The following KANK1 variants were observed in gnomAD, a reference collection of about 807,000 sequenced individuals.
KANK1 encodes KN motif and ankyrin repeat domain-containing protein 1.
A neutral mutation model predicts 106.2 loss-of-function variants in KANK1; 109 were observed. The ratio of observed to expected loss-of-function variants is 1.03; its 90% CI spans 0.88 to 1.20. The LOEUF is 1.20. KANK1 is among the 50% of genes most tolerant of loss of function. The probability of loss-of-function intolerance (pLI) is 0.00; values close to 1 mark genes in which losing one functional copy is unlikely to be tolerated. For synonymous variants in KANK1, 873 were observed against 652.2 expected, an observed-to-expected ratio of 1.34 and a Z score of -5.16; for missense variants, 2,399 against 1,710.7, an observed-to-expected ratio of 1.40 and a Z score of -7.10.
intron 2 of KANK1, among the ~76,000 whole-genome samples, chr9:679,971 A>G (rs1213217226): frequency 6.6e-6 from 1 of 152,194 alleles, no homozygotes; most frequent in African/African-American, 2.4e-5. Context: ...ACTTCTGTGC[A>G]TGTAAATAAC....
intron 3 of KANK1, among the ~76,000 whole-genome samples, chr9:721,863 A>C (rs567713528): frequency 4.0e-4 from 61 of 152,258 alleles, no homozygotes; most frequent in Non-Finnish European, 8.1e-4. Flanking sequence ...CAACTTGAAG[A>C]CGGTTTCACT....
chr9:742,500 C>T, intron 10 of KANK1, 95 bp downstream of exon 10: 3 of 848,428 alleles, frequency 3.5e-6, no homozygotes, highest in Non-Finnish European at 1.8e-6. Context: ...ACCAAATCCT[C>T]CTCTATTCTC....
At position 711,812 on chromosome 9, in the gene KANK1, A is replaced by G. The variant is rs150811016; in HGVS notation, c.1046A>G (p.Tyr349Cys). 2.6e-5 allele frequency: 42 copies of G among 1,613,990 alleles called. No homozygotes were observed. The highest frequency in any genetic ancestry group is 5.3e-5 in the African/African-American group (4 of 74,902). Residue 349 changes from tyrosine to cysteine, a missense_variant, in exon 3 of 12, where the codon TAT becomes TGT. Coordinates refer to ENST00000382297, the MANE Select transcript of KANK1 (RefSeq NM_015158.5). Reference sequence around the variant, plus strand: ...AGTGGCGGGGAATTATACATTGACTATGAGGAGGAAGAAATGGAGACCGTA... The same window carrying G: ...AGTGGCGGGGAATTATACATTGACTGTGAGGAGGAAGAAATGGAGACCGTA... ...RRSGGELYID[Y>C]EEEEMETVEQ...
chr9:540,479 C>A (rs2060538095), intron 1 of KANK1: 1 of 152,166 alleles, frequency 6.6e-6, no homozygotes, highest in South Asian at 2.1e-4. Flanking sequence ...TCATCAAGGA[C>A]ATTGACCCAT....
At chr9:663,232 C>G (rs1269706614) in intron 1 of KANK1, among the ~76,000 whole-genome samples, 1 of 152,082 alleles carries the variant, frequency 6.6e-6, no homozygotes, top group Non-Finnish European at 1.5e-5. Flanking sequence ...ACTAAACTAA[C>G]TTATATCTGT....
intron 3 of KANK1, among the ~76,000 whole-genome samples, chr9:713,948 T>C (rs1826954575): frequency 6.6e-6 from 1 of 152,316 alleles, no homozygotes. Flanking sequence ...CAAATAATTA[T>C]TGAATTTGAG....
At position 740,938 on chromosome 9, in the gene KANK1, A is replaced by G. The variant is rs12000920; in HGVS notation, c.3696+4A>G. Reference sequence around the variant, plus strand: ...TGTGAATGCCAAAGCTAGTCAGGTTAGTGCGCCTGGTTCCTGTGCTCAGGA... The same window carrying G: ...TGTGAATGCCAAAGCTAGTCAGGTTGGTGCGCCTGGTTCCTGTGCTCAGGA... On this transcript the variant is annotated splice_donor_region_variant and intron_variant, in intron 9 of 11. Coordinates refer to ENST00000382297, the MANE Select transcript of KANK1 (RefSeq NM_015158.5). 1.1e-3 allele frequency: 1,783 copies of G among 1,614,062 alleles called. 13 individuals carry two copies. In the African/African-American group the frequency reaches 0.017, roughly 16 times the overall value.
intron 1 of KANK1, among the ~76,000 whole-genome samples, chr9:668,878 A>G (rs951085735): frequency 2.0e-5 from 3 of 151,938 alleles, no homozygotes; most frequent in Non-Finnish European, 4.4e-5. Context: ...CTCAACCTAG[A>G]TCCTTCGCAC....
At chr9:492,812 G>A (rs950978322) in intron 3 of KANK1, among the ~76,000 whole-genome samples, 3 of 151,964 alleles carry the variant, frequency 2.0e-5, no homozygotes, top group Non-Finnish European at 4.4e-5. Context: ...ATCACCTGAG[G>A]TCGGGAATTC....
chr9:667,629 T>A (rs1844936383), intron 1 of KANK1, among the ~76,000 whole-genome samples: 1 of 152,134 alleles, frequency 6.6e-6, no homozygotes. Flanking sequence ...TGTTTCTATT[T>A]TTATTTGTTT....
rs1039037746 is a variant in KANK1, at chr9:489,162, A to G, written c.-362+15889A>G. The G allele has an allele frequency of 1.3e-5, 2 of 152,246 alleles. 1 individual carries two copies. The highest frequency in any genetic ancestry group is 3.8e-4 in the East Asian group (2 of 5,204). 9.4% of individuals were successfully genotyped at this position (152,246 alleles called of 1,614,324 possible). On this transcript the variant is annotated intron_variant, in intron 3 of 15. Coordinates refer to the KANK1 transcript ENST00000382303. Reference sequence around the variant, plus strand: ...GGTGTGGGGAAGCTACTCAATAAATACACATATATTTTATGAATGAATAAA... The same window carrying G: ...GGTGTGGGGAAGCTACTCAATAAATGCACATATATTTTATGAATGAATAAA...
intron 1 of KANK1, among the ~76,000 whole-genome samples, chr9:550,172 C>T (rs532677745): frequency 6.6e-6 from 1 of 152,098 alleles, no homozygotes; most frequent in Non-Finnish European, 1.5e-5. Flanking sequence ...AATAAGCAGA[C>T]AGTCTGTGGT....
chr9:479,281 A>C (rs1325050920), intron 3 of KANK1, among the ~76,000 whole-genome samples: 1 of 152,216 alleles, frequency 6.6e-6, no homozygotes, highest in East Asian at 1.9e-4. Context: ...TCATAAAGCC[A>C]ATTCCAACTC....
chr9:544,001 C>CTATTT (rs754173294), intron 1 of KANK1, among the ~76,000 whole-genome samples: 191 of 151,794 alleles, frequency 1.3e-3, no homozygotes, highest in Non-Finnish European at 2.0e-3. Context: ...ATTTCATGTT[C>CTATTT]TATTTTATTT....
chr9:513,138 C>G (rs1319014398), intron 1 of KANK1, among the ~76,000 whole-genome samples: 3 of 152,340 alleles, frequency 2.0e-5, no homozygotes, highest in South Asian at 4.1e-4. Flanking sequence ...GTGAGCCTAG[C>G]AGGTGGCATA....
At chr9:743,549 G>T (rs1836281843) in intron 10 of KANK1, among the ~76,000 whole-genome samples, 1 of 152,158 alleles carries the variant, frequency 6.6e-6, no homozygotes, top group African/African-American at 2.4e-5. Flanking sequence ...TGCTGCTGCT[G>T]ACCAGAGGGA....
chr9:733,784 CCTT>C (rs1360630815), intron 6 of KANK1: 1 of 151,950 alleles, frequency 6.6e-6, no homozygotes, highest in African/African-American at 2.4e-5. Context: ...ATTTGGGTCT[CCTT>C]CAACCCCCTT....
upstream of KANK1, among the ~76,000 whole-genome samples, chr9:502,947 A>G (rs10974864): frequency 0.2 from 29,081 of 147,682 alleles, 5,799 homozygotes; most frequent in African/African-American, 0.52. Flanking sequence ...CGATCCTCCT[A>G]CCTTAGCCTC....
intron 1 of KANK1, among the ~76,000 whole-genome samples, chr9:562,369 C>G (rs573733088): frequency 3.3e-5 from 5 of 152,308 alleles, no homozygotes; most frequent in African/African-American, 1.2e-4. Context: ...ATTGCATTTT[C>G]TACACCCTGC....
Sources: allele counts gnomAD v4.1 joint callset (sites outside exome capture counted in the v4.1 genomes callset), GRCh38; gene constraint gnomAD v4.1.1; transcripts MANE v1.5; gene names NCBI Gene and HGNC (gene_info 2026-07-23, HGNC 2026-07-21).